The following DNAAF1 variants were observed in gnomAD, a reference collection of about 807,000 sequenced individuals.
DNAAF1 encodes dynein axonemal assembly factor 1.
Under a neutral mutation model 71.1 loss-of-function variants are expected in DNAAF1, and 65 were observed. The ratio of observed to expected loss-of-function variants is 0.91; its 90% confidence interval spans 0.75 to 1.12. The LOEUF (loss-of-function observed/expected upper bound fraction) is 1.12, where lower values mean the gene tolerates loss of function less well. Among genes scored for constraint, DNAAF1 ranks in the 50% most tolerant of loss-of-function variants. DNAAF1 has a pLI of 0.00. For synonymous variants in DNAAF1, 414 were observed against 354.6 expected, an observed-to-expected ratio of 1.17 and a Z score of -1.88; for missense variants, 1,178 against 899.8, an observed-to-expected ratio of 1.31 and a Z score of -3.96.
At chr16:84,160,769 C>A (rs116924178) in intron 6 of DNAAF1, among the ~76,000 whole-genome samples, 3 of 151,304 alleles carry the variant, frequency 2.0e-5, no homozygotes, top group African/African-American at 4.9e-5. Context: ...CGCGTCGCTA[C>A]TAAAAGTACA....
rs147692795 is a variant in DNAAF1, at chr16:84,175,372, G to C, written c.1699-561G>C. On this transcript the variant is annotated intron_variant, in intron 10 of 11. Transcript: ENST00000378553. ...ATATAGGGGAAGGAAATGAAAACAG[G>C]AGAGGGGAAAGAAAGGGGTGAGTCT... is the stretch of plus-strand genomic sequence containing the variant. 1,335 of 180,980 alleles carry C rather than the reference G, an allele frequency of 7.4e-3. 21 individuals carry two copies. Among genetic ancestry groups the C allele is most frequent in the African/African-American group, 0.03 (1,265 of 41,962 alleles). The allele number at this position is 180,980 out of a possible 1,614,324, so 11.2% of individuals were successfully genotyped here. A position where few individuals can be genotyped will look rare whatever the true frequency, so the allele number is the denominator to read the frequency against.
At chr16:84,177,636 C>A (rs776476769) in intron 11 of DNAAF1, 93 bp from the exon 12 acceptor site, 2 of 1,090,538 alleles carry the variant, frequency 1.8e-6, no homozygotes, top group South Asian at 1.2e-5. Context: ...GTTGAGGACA[C>A]TGAATTTGGC....
At chr16:84,161,295 A>G (rs1380044095) in intron 6 of DNAAF1, among the ~76,000 whole-genome samples, 10 of 152,180 alleles carry the variant, frequency 6.6e-5, no homozygotes, top group African/African-American at 2.2e-4. Flanking sequence ...CCCAGGGGCC[A>G]TGCTGAGGAA....
intron 5 of DNAAF1, among the ~76,000 whole-genome samples, chr16:84,159,375 C>G (rs1759462937): frequency 6.6e-6 from 1 of 152,154 alleles, no homozygotes; most frequent in South Asian, 2.1e-4. Flanking sequence ...CTAATATAAT[C>G]AACTGCACTC....
chr16:84,145,528 G>A lies in DNAAF1; in HGVS notation c.88G>A (p.Asp30Asn). Residue 30 changes from aspartate to asparagine, a missense_variant, in exon 1 of 12, where the codon GAC becomes AAC. Asp to Asn is a conservative substitution (Grantham distance 23, BLOSUM62 1). Coordinates refer to ENST00000378553, the MANE Select transcript of DNAAF1 (RefSeq NM_178452.6). Reference sequence around the variant, plus strand: ...GCCCGGCGTGGAGGAGTCTGCGGGTGACCACGGGAGCGCAGGCCGAGGGGG... The same window carrying A: ...GCCCGGCGTGGAGGAGTCTGCGGGTAACCACGGGAGCGCAGGCCGAGGGGG... ...QEPGVEESAG[D>N]HGSAGRGGCK... 12 of 1,554,654 alleles carry A rather than the reference G, an allele frequency of 7.7e-6. No homozygotes were observed. Among genetic ancestry groups the A allele is most frequent in the Non-Finnish European group, 1.0e-5 (12 of 1,149,162 alleles).
At chr16:84,168,818 T>C (rs2088159887) in intron 7 of DNAAF1, among the ~76,000 whole-genome samples, 1 of 66,182 alleles carries the variant, frequency 1.5e-5, no homozygotes, top group African/African-American at 4.8e-5. Flanking sequence ...TTGCTACACA[T>C]TTGCCACATA....
chr16:84,162,540 G>C (rs1187240118), intron 6 of DNAAF1, among the ~76,000 whole-genome samples: 1 of 152,146 alleles, frequency 6.6e-6, no homozygotes, highest in Non-Finnish European at 1.5e-5. Flanking sequence ...GGAAATACTG[G>C]ATGGGCATGG....
chr16:84,152,045 G>C (rs767351702), intron 3 of DNAAF1, among the ~76,000 whole-genome samples: 3 of 152,240 alleles, frequency 2.0e-5, no homozygotes, highest in Non-Finnish European at 4.4e-5. Flanking sequence ...GAGGAAGCTG[G>C]GAAAGGGGCG....
At chr16:84,173,495 G>C (rs2088488504) in intron 9 of DNAAF1, 1 of 984,514 alleles carries the variant, frequency 1.0e-6, no homozygotes. Flanking sequence ...AGTGATCACG[G>C]TCAGAATTCA....
At chr16:84,164,743 G>T (rs536156962) in intron 6 of DNAAF1, among the ~76,000 whole-genome samples, 2 of 152,186 alleles carry the variant, frequency 1.3e-5, no homozygotes, top group South Asian at 4.1e-4. Flanking sequence ...GCAGGTTTGC[G>T]TGTGGACATA....
At chr16:84,162,556 C>G (rs1469206835) in intron 6 of DNAAF1, among the ~76,000 whole-genome samples, 1 of 152,098 alleles carries the variant, frequency 6.6e-6, no homozygotes, top group Non-Finnish European at 1.5e-5. Context: ...CATGGTGGCT[C>G]ACACCTATAA....
intron 5 of DNAAF1, chr16:84,159,034 C>G (rs1215068277): frequency 1.0e-6 from 1 of 987,336 alleles, no homozygotes; most frequent in Non-Finnish European, 1.2e-6. Context: ...CCCAGCCCCA[C>G]TAAGCATTAA....
intron 3 of DNAAF1, among the ~76,000 whole-genome samples, chr16:84,153,949 T>C (rs966732624): frequency 6.6e-6 from 1 of 152,090 alleles, no homozygotes; most frequent in African/African-American, 2.4e-5. Flanking sequence ...ACCAGTCTTT[T>C]CAGCAAGACC....
At chr16:84,165,721 G>A in intron 6 of DNAAF1, 62 bp from the exon 7 acceptor site, 2 of 1,500,324 alleles carry the variant, frequency 1.3e-6, no homozygotes, top group Non-Finnish European at 1.9e-6. Flanking sequence ...TGAGCAAGTT[G>A]ATCAGACAGT....
chr16:84,172,175 C>A (rs1292426712), intron 8 of DNAAF1, 85 bp from the exon 9 acceptor site: 2 of 1,317,640 alleles, frequency 1.5e-6, no homozygotes, highest in South Asian at 1.2e-5. Flanking sequence ...CCGAGCCCGG[C>A]CCTTGGGAGC....
At chr16:84,155,158 T>C (rs1305560699) in intron 4 of DNAAF1, among the ~76,000 whole-genome samples, 1 of 152,210 alleles carries the variant, frequency 6.6e-6, no homozygotes, top group Non-Finnish European at 1.5e-5. Flanking sequence ...TCCGCCCGCC[T>C]TGGCCTCCCA....
At chr16:84,155,783 C>G in intron 5 of DNAAF1, 34 bp downstream of exon 5, 1 of 1,611,202 alleles carries the variant, frequency 6.2e-7, no homozygotes, top group Non-Finnish European at 8.5e-7. Context: ...CGAAAAAGCA[C>G]CACAGGAAAC....
rs527642797 is a variant in DNAAF1 at position 84,164,216 on chromosome 16, A to G, written c.864-1567A>G. 3.9e-5 allele frequency among the ~76,000 whole-genome samples: 6 copies of G among 152,348 alleles called. No homozygotes were observed. The South Asian group carries it at 1.0e-3, about 26-fold the overall frequency. On this transcript the variant is annotated intron_variant, in intron 6 of 11. Transcript: ENST00000378553. ...GTTTCCCCTATTTGTAACGTCTTACATTCGTGTGGTACGTTTGTGACAAGC... is the reference window on the plus strand; with the variant it reads ...GTTTCCCCTATTTGTAACGTCTTACGTTCGTGTGGTACGTTTGTGACAAGC...
chr16:84,149,228 G>C, intron 2 of DNAAF1, 86 bp downstream of exon 2: 3 of 1,544,996 alleles, frequency 1.9e-6, no homozygotes, highest in South Asian at 2.2e-5. Flanking sequence ...ATGAAATAGA[G>C]GCTGGTAGAG....
Sources: gnomAD v4.1 joint callset for allele counts (sites outside exome capture counted in the v4.1 genomes callset) on GRCh38, gnomAD v4.1.1 for gene constraint, MANE v1.5 for transcripts, NCBI Gene and HGNC (gene_info 2026-07-23, HGNC 2026-07-21) for gene names.